The following NRXN2 variants were observed in gnomAD, a reference collection of about 807,000 sequenced individuals.
The protein encoded by NRXN2 is neurexin-2-beta.
Under a neutral mutation model 128.8 loss-of-function variants are expected in NRXN2, and 29 were observed. That is an observed-to-expected ratio of 0.23 (90% CI 0.17 to 0.31). The LOEUF is 0.31. Among genes scored for constraint, NRXN2 ranks in the 10% least tolerant of loss-of-function variants. NRXN2 has a pLI of 1.00. For missense variants in NRXN2, 1,881 were observed against 2,452.6 expected (o/e 0.77, Z 4.92); for synonymous variants, 1,098 against 1,075.2 (o/e 1.02, Z -0.41).
At chr11:64,698,691 T>G (rs943427964) in intron 2 of NRXN2, among the ~76,000 whole-genome samples, 1 of 152,204 alleles carries the variant, frequency 6.6e-6, no homozygotes, top group African/African-American at 2.4e-5. Context: ...TAGGCAGACC[T>G]CACCTATTAG....
intron 22 of NRXN2, among the ~76,000 whole-genome samples, chr11:64,610,322 A>T (rs369119524): frequency 2.8e-4 from 42 of 152,238 alleles, no homozygotes; most frequent in Admixed American, 5.9e-4. Flanking sequence ...GGACTATCTG[A>T]TCCCAGCTCG....
chr11:64,646,201 C>T (rs573949760), intron 17 of NRXN2, among the ~76,000 whole-genome samples: 27 of 152,146 alleles, frequency 1.8e-4, no homozygotes, highest in Non-Finnish European at 3.7e-4. Flanking sequence ...AGCTCCACAG[C>T]TTTGCAGAGA....
chr11:64,647,406 A>G (rs530896233), intron 17 of NRXN2, among the ~76,000 whole-genome samples: 3 of 152,106 alleles, frequency 2.0e-5, no homozygotes, highest in Middle Eastern at 6.8e-3. Flanking sequence ...TACCCCACAG[A>G]GTAGAAGGTT....
intron 1 of NRXN2, among the ~76,000 whole-genome samples, chr11:64,721,363 A>G (rs1334220768): frequency 6.6e-6 from 1 of 151,956 alleles, no homozygotes; most frequent in Admixed American, 6.5e-5. Flanking sequence ...TGGGCTGGAA[A>G]GAACTGCCCG....
intron 1 of NRXN2, among the ~76,000 whole-genome samples, chr11:64,715,096 A>T (rs2057257283): frequency 6.6e-6 from 1 of 152,198 alleles, no homozygotes; most frequent in Admixed American, 6.5e-5. Context: ...ACAGAGATGG[A>T]AGAGTAATGG....
rs373801549 is a variant in NRXN2, at chr11:64,708,200, G to A, written c.730+4770C>T. On this transcript the variant is annotated intron_variant, in intron 2 of 22. Transcript: ENST00000265459. ...ACAGCCTAGCACAAAAGAGGCCTTG[G>A]CAACTACCTGTTGAATTAAATCACT... Among the ~76,000 whole-genome samples, 174 of 152,114 alleles carry A rather than the reference G, an allele frequency of 1.1e-3. 2 individuals are homozygous for A. In the South Asian group the frequency reaches 0.035, roughly 31 times the overall value.
rs766517351 is a variant in NRXN2 at position 64,632,185 on chromosome 11, G to A, written c.3586-1612C>T. Among the ~76,000 whole-genome samples, 28 of 152,204 alleles carry A rather than the reference G, an allele frequency of 1.8e-4. No homozygotes were observed. Among genetic ancestry groups the A allele is most frequent in the Non-Finnish European group, 3.1e-4 (21 of 68,036 alleles). On this transcript the variant is annotated intron_variant, in intron 18 of 22. Coordinates refer to ENST00000265459, the MANE Select transcript of NRXN2 (RefSeq NM_015080.4). The surrounding 1 kb of genome is among the most constrained non-coding windows in gnomAD (Gnocchi z 4.2). Reference sequence around the variant, plus strand: ...CAAGGTTTGCAGCTGTGGCTCAGGAGACCCATGTCCTATCCCTTCCCACTT... The same window carrying A: ...CAAGGTTTGCAGCTGTGGCTCAGGAAACCCATGTCCTATCCCTTCCCACTT...
At chr11:64,703,322 T>C (rs1488713031) in intron 2 of NRXN2, among the ~76,000 whole-genome samples, 1 of 152,162 alleles carries the variant, frequency 6.6e-6, no homozygotes, top group Non-Finnish European at 1.5e-5. Context: ...AGGGTGTGCC[T>C]GGCTCTTTAC....
intron 22 of NRXN2, among the ~76,000 whole-genome samples, chr11:64,610,707 C>A (rs1239961075): frequency 6.6e-6 from 1 of 152,158 alleles, no homozygotes; most frequent in Non-Finnish European, 1.5e-5. Context: ...CTTCCTGTAC[C>A]CACCTGGGAT....
chr11:64,685,263 C>CA (rs2052862377), intron 6 of NRXN2, among the ~76,000 whole-genome samples: 1 of 152,172 alleles, frequency 6.6e-6, no homozygotes, highest in Admixed American at 6.5e-5. Flanking sequence ...CACCCCCTGG[C>CA]ACCCAGGAGC....
At chr11:64,711,633 C>T (rs1440941452) in intron 2 of NRXN2, among the ~76,000 whole-genome samples, 4 of 152,108 alleles carry the variant, frequency 2.6e-5, no homozygotes. Context: ...GAGCCTCTCT[C>T]CCAAGCGCCA....
chr11:64,712,447 G>A (rs1425794319), intron 2 of NRXN2, among the ~76,000 whole-genome samples: 1 of 147,032 alleles, frequency 6.8e-6, no homozygotes, highest in African/African-American at 2.6e-5. Context: ...CCCGCCCCCT[G>A]TCTCATAAGC....
chr11:64,683,976 A>T (rs1349226617), intron 6 of NRXN2, among the ~76,000 whole-genome samples: 1 of 152,114 alleles, frequency 6.6e-6, no homozygotes, highest in East Asian at 1.9e-4. Context: ...TAGGGTGTTT[A>T]AGGTTTCTGC....
chr11:64,652,028 C>T lies in NRXN2; in HGVS notation c.2536+7G>A, dbSNP rs774614217. 1 of 1,611,120 alleles carries T rather than the reference C, an allele frequency of 6.2e-7. No individual in the cohort carries two copies. Among genetic ancestry groups the T allele is most frequent in the South Asian group, 1.1e-5 (1 of 91,080 alleles). ...TGTGTCCACCTCCCTGGGCCCAGAC[C>T]ACCTACCCTCCACAGTCACGTTGTC... is the stretch of plus-strand genomic sequence containing the variant. On this transcript the variant is annotated splice_region_variant and intron_variant, in intron 13 of 22. Transcript: ENST00000265459.
chr11:64,608,968 G>A (rs2040186030), intron 22 of NRXN2, among the ~76,000 whole-genome samples: 1 of 152,038 alleles, frequency 6.6e-6, no homozygotes, highest in Non-Finnish European at 1.5e-5. Flanking sequence ...CCACGGGAGG[G>A]GGCTTGGAAA....
At chr11:64,625,542 G>T (rs1199830920) in intron 20 of NRXN2, among the ~76,000 whole-genome samples, 1 of 152,192 alleles carries the variant, frequency 6.6e-6, no homozygotes, top group Non-Finnish European at 1.5e-5. Context: ...GGTTTTAGTT[G>T]GGGAAGGCCC....
chr11:64,708,905 C>T lies in NRXN2; in HGVS notation c.730+4065G>A, dbSNP rs533708905. Among the ~76,000 whole-genome samples the T allele has an allele frequency of 6.6e-5, 10 of 152,150 alleles. No homozygotes were observed. In the South Asian group the frequency reaches 1.9e-3, roughly 28 times the overall value. On this transcript the variant is annotated intron_variant, in intron 2 of 22. Coordinates refer to ENST00000265459, the MANE Select transcript of NRXN2 (RefSeq NM_015080.4). ...AATTACTGACTTTTAAAAATGTCCT[C>T]AGTTGGCCAGGCGCAGTGGCTCACA...
At chr11:64,616,308 C>T (rs1385720825) in intron 22 of NRXN2, among the ~76,000 whole-genome samples, 1 of 152,112 alleles carries the variant, frequency 6.6e-6, no homozygotes, top group Non-Finnish European at 1.5e-5. Context: ...ACACATGTAC[C>T]TCTGTGAGCC....
chr11:64,721,313 C>T (rs766603614), intron 1 of NRXN2, among the ~76,000 whole-genome samples: 1 of 151,958 alleles, frequency 6.6e-6, no homozygotes, highest in Non-Finnish European at 1.5e-5. Context: ...CCCAGCCCCT[C>T]CTCTCAGAAC....
Sources: gnomAD v4.1 joint callset for allele counts (sites outside exome capture counted in the v4.1 genomes callset) on GRCh38, gnomAD v4.1.1 for gene constraint, Gnocchi (gnomAD v3.1) non-coding constraint, MANE v1.5 for transcripts, NCBI Gene and HGNC (gene_info 2026-07-23, HGNC 2026-07-21) for gene names.